SIRPG: variants seen among roughly 807,000 people sequenced by gnomAD.
SIRPG encodes the protein signal regulatory protein gamma, also known as signal-regulatory protein gamma.
SIRPG carries 38 observed loss-of-function variants against 35.7 expected under a neutral mutation model. The observed-to-expected ratio is 1.06, with a 90% CI of 0.82 to 1.40. The LOEUF is 1.40. Among genes scored for constraint, SIRPG ranks in the 40% most tolerant of loss-of-function variants. The pLI is 0.00. For missense variants in SIRPG, 519 were observed against 483.0 expected, an observed-to-expected ratio of 1.07 and a Z score of -0.70; for synonymous variants, 215 against 190.4, an observed-to-expected ratio of 1.13 and a Z score of -1.06.
intron 1 of SIRPG, among the ~76,000 whole-genome samples, chr20:1,654,827 C>T (rs1467097351): frequency 6.6e-6 from 1 of 152,112 alleles, no homozygotes; most frequent in Non-Finnish European, 1.5e-5. Flanking sequence ...GGAAGTCAAA[C>T]AACTCAACCA....
chr20:1,674,462 T>C, the SIRPG span, among the ~76,000 whole-genome samples: 1 of 152,182 alleles, frequency 6.6e-6, no homozygotes, highest in Admixed American at 6.5e-5. Context: ...GTCAGTGTTA[T>C]CATCAACAGG....
At chr20:1,650,006 A>G (rs1388576833) in intron 1 of SIRPG, among the ~76,000 whole-genome samples, 5 of 137,432 alleles carry the variant, frequency 3.6e-5, no homozygotes, top group East Asian at 2.0e-4. Context: ...TGAAGTGTGT[A>G]TATATATATA....
the SIRPG span, among the ~76,000 whole-genome samples, chr20:1,677,088 A>G: frequency 6.9e-6 from 1 of 145,800 alleles, no homozygotes; most frequent in Non-Finnish European, 1.5e-5. Flanking sequence ...AGTGAGGACA[A>G]TGAGGCGCAG....
At chr20:1,655,549 C>T (rs1336730390) in intron 1 of SIRPG, among the ~76,000 whole-genome samples, 1 of 151,936 alleles carries the variant, frequency 6.6e-6, no homozygotes, top group Non-Finnish European at 1.5e-5. Flanking sequence ...AGATATTAGT[C>T]AAAGGATACA....
At chr20:1,631,308 G>C (rs563882066) in intron 4 of SIRPG, among the ~76,000 whole-genome samples, 2 of 152,272 alleles carry the variant, frequency 1.3e-5, no homozygotes, top group African/African-American at 4.8e-5. Context: ...CTTGAGGAAA[G>C]CTGCACTGCC....
At chr20:1,662,046 C>A (rs1336385844), upstream of SIRPG, among the ~76,000 whole-genome samples, 3 of 152,148 alleles carry the variant, frequency 2.0e-5, no homozygotes, top group Non-Finnish European at 4.4e-5. Flanking sequence ...ACAACCCCTG[C>A]AAAAAGTCCC....
At position 1,649,304 on chromosome 20, in the gene SIRPG, G is replaced by C; in HGVS notation, c.178C>G (p.Pro60Ala). The C allele has an allele frequency of 6.2e-7, 1 of 1,614,142 alleles. No homozygotes were observed. Among genetic ancestry groups the C allele is most frequent in the Non-Finnish European group, 8.5e-7 (1 of 1,180,026 alleles). The change falls in exon 2 of 6, where the codon CCC (proline) becomes GCC (alanine). Residue 60 changes from proline to alanine, a missense_variant. Transcript: ENST00000303415. The stretch of plus-strand genomic sequence containing the variant: ...CTGAACCACAGGACGGGTCCCACGG[G>C]AAGCAGGGAGGTCACAGTGCAGTGC... ...TLHCTVTSLL[P>A]VGPVLWFRGV...
At chr20:1,663,402 T>G in the SIRPG span, among the ~76,000 whole-genome samples, 3 of 152,184 alleles carry the variant, frequency 2.0e-5, no homozygotes, top group Non-Finnish European at 4.4e-5. Context: ...TGATACTGAT[T>G]GGGACCAGGA....
At position 1,636,271 on chromosome 20, in the gene SIRPG, G is replaced by C; in HGVS notation, c.665C>G (p.Ser222Cys). The C allele has an allele frequency of 1.2e-6, 2 of 1,614,240 alleles. No individual in the cohort carries two copies. Among genetic ancestry groups the C allele is most frequent in the Admixed American group, 1.7e-5 (1 of 60,028 alleles). ...RVVLDPWDVR[S>C]QVICEVAHVT... ...ATGGGCCACCTCGCAGATGACCTGA[G>C]AGCGAACGTCCCAGGGGTCCAGTAC... Residue 222 changes from serine to cysteine, a missense_variant, in exon 3 of 6, where the codon TCT becomes TGT. Ser to Cys is a moderately radical substitution (Grantham distance 112, BLOSUM62 -1). Transcript: ENST00000303415.
chr20:1,643,820 C>G (rs1222348538), intron 2 of SIRPG, among the ~76,000 whole-genome samples: 1 of 152,076 alleles, frequency 6.6e-6, no homozygotes, highest in Admixed American at 6.6e-5. Flanking sequence ...TGGTCAGGTC[C>G]CTTCCCTGCA....
chr20:1,630,873 G>A (rs1041884019), intron 4 of SIRPG: 2 of 152,484 alleles, frequency 1.3e-5, no homozygotes, highest in Non-Finnish European at 2.9e-5. Context: ...AGTAAGGGGA[G>A]GACTCCGTGT....
chr20:1,682,543 C>T, the SIRPG span, among the ~76,000 whole-genome samples: 318 of 152,274 alleles, frequency 2.1e-3, 2 homozygotes, highest in African/African-American at 7.2e-3. Flanking sequence ...TATGGGACAA[C>T]TCCATAAAAA....
chr20:1,653,773 G>A (rs2091957427), intron 1 of SIRPG, among the ~76,000 whole-genome samples: 1 of 152,122 alleles, frequency 6.6e-6, no homozygotes, highest in Non-Finnish European at 1.5e-5. Context: ...TCTTCAATGT[G>A]CATTTCATAT....
In SIRPG at chr20:1,657,673, G is replaced by T. The variant is rs867272459; in HGVS notation, c.42C>A (p.Phe14Leu). The part of the protein sequence containing the change: ...PASWPHPPGP[F>L]LLLTLLLGLT... ...GTCCCAGCAGTAGAGTCAGAAGCAG[G>T]AAAGGACCAGGAGGATGGGGCCAGG... The change falls in exon 1 of 6, where the codon TTC (phenylalanine) becomes TTA (leucine). Residue 14 changes from phenylalanine (F) to leucine (L), a missense_variant. Phe to Leu is a conservative substitution (Grantham distance 22, BLOSUM62 0). Coordinates refer to ENST00000303415, the MANE Select transcript of SIRPG (RefSeq NM_018556.4). 5.0e-6 allele frequency: 8 copies of T among 1,614,198 alleles called. No homozygotes were observed. In the South Asian group the frequency reaches 8.8e-5, roughly 18 times the overall value.
upstream of SIRPG, chr20:1,657,780 G>A: frequency 7.0e-6 from 10 of 1,421,032 alleles, no homozygotes; most frequent in Non-Finnish European, 9.8e-6. Context: ...GCCCTGCTCT[G>A]AAGACAGAAG....
chr20:1,649,629 C>CT (rs35561366), intron 1 of SIRPG, among the ~76,000 whole-genome samples: 17,398 of 75,650 alleles, frequency 0.23, 2,193 homozygotes, highest in East Asian at 0.51. Flanking sequence ...CAGAGAGGTT[C>CT]TTTTTTTTTT....
At chr20:1,658,021 G>A (rs1317089878), upstream of SIRPG, among the ~76,000 whole-genome samples, 1 of 152,162 alleles carries the variant, frequency 6.6e-6, no homozygotes, top group Non-Finnish European at 1.5e-5. Context: ...AGGTCTTCTT[G>A]GTGATTTGCC....
rs1712472019 is a variant in SIRPG at position 1,636,644 on chromosome 20, T to C, written c.431-139A>G. The stretch of plus-strand genomic sequence containing the variant: ...TGTGGAGAGGATGGTGTTCTTATTC[T>C]CATTTTACAGAGCAGGATGCAAAGG... On this transcript the variant is annotated intron_variant, in intron 2 of 5. Transcript: ENST00000303415. 5.0e-5 allele frequency: 53 copies of C among 1,049,608 alleles called. No individual in the cohort carries two copies. In the South Asian group the frequency reaches 8.4e-4, roughly 17 times the overall value. The allele number at this position is 1,049,608 out of a possible 1,614,324, so 65.0% of individuals were successfully genotyped here.
the SIRPG span, chr20:1,676,683 T>C: frequency 0.51 from 82,217 of 162,338 alleles, 21,499 homozygotes; most frequent in Non-Finnish European, 0.58. Flanking sequence ...TGTTTCTCTT[T>C]GTCTAGTCTG....
Sources: gnomAD v4.1 joint callset for allele counts (sites outside exome capture counted in the v4.1 genomes callset) on GRCh38, gnomAD v4.1.1 for gene constraint, MANE v1.5 for transcripts, NCBI Gene and HGNC (gene_info 2026-07-23, HGNC 2026-07-21) for gene names.